CHRNA7: variants seen among roughly 807,000 people sequenced by gnomAD.
CHRNA7 encodes cholinergic receptor nicotinic alpha 7 subunit.
A neutral mutation model predicts 48.0 loss-of-function variants in CHRNA7; 17 were observed. The observed-to-expected ratio is 0.35, with a 90% CI of 0.24 to 0.53. CHRNA7 has a LOEUF of 0.53. Among genes scored for constraint, CHRNA7 ranks in the 20% least tolerant of loss-of-function variants. The pLI is 0.92. For missense variants in CHRNA7, 155 were observed against 577.7 expected, an observed-to-expected ratio of 0.27 and a Z score of 7.50; for synonymous variants, 75 against 242.3, an observed-to-expected ratio of 0.31 and a Z score of 6.41.
chr15:32,127,748 CT>C (rs367566469), intron 4 of CHRNA7, among the ~76,000 whole-genome samples: 3 of 152,096 alleles, frequency 2.0e-5, no homozygotes, highest in African/African-American at 7.2e-5. Context: ...TATAGTTTGT[CT>C]TTCTGTAGTT....
chr15:32,114,736 ACTC>A (rs1174055032), intron 4 of CHRNA7, among the ~76,000 whole-genome samples: 9 of 152,242 alleles, frequency 5.9e-5, no homozygotes, highest in African/African-American at 1.9e-4. Flanking sequence ...TACAGAACAA[ACTC>A]CTCAGAACTG....
At chr15:32,072,079 A>G (rs918541279) in intron 2 of CHRNA7, among the ~76,000 whole-genome samples, 4 of 152,212 alleles carry the variant, frequency 2.6e-5, no homozygotes, top group Non-Finnish European at 5.9e-5. Flanking sequence ...TGATGGCAAT[A>G]TGGACAGTGA....
chr15:32,048,776 G>A (rs1031022317), intron 2 of CHRNA7, among the ~76,000 whole-genome samples: 2 of 151,732 alleles, frequency 1.3e-5, no homozygotes. Flanking sequence ...TGTCAATTTT[G>A]GAGCTTTCCT....
Position 32,050,687 on chromosome 15 carries a change from G to T in CHRNA7, c.195+19650G>T, listed in dbSNP as rs1405784355. ...CATCCAGCTTTGTTCCGTTGTTGGT[G>T]AGGAACTGCCTTCCTTTGTAGGAGG... On this transcript the variant is annotated intron_variant, in intron 2 of 9. Coordinates refer to ENST00000306901, the MANE Select transcript of CHRNA7 (RefSeq NM_000746.6). 2.6e-5 allele frequency among the ~76,000 whole-genome samples: 4 copies of T among 152,196 alleles called. No homozygotes were observed. In the East Asian group the frequency reaches 7.7e-4, roughly 29 times the overall value.
rs894943238 is a variant in CHRNA7 at position 32,116,312 on chromosome 15, T to G, written c.350+4413T>G. 2.0e-5 allele frequency among the ~76,000 whole-genome samples: 3 copies of G among 152,188 alleles called. No individual in the cohort carries two copies. The South Asian group carries it at 6.2e-4, about 31-fold the overall frequency. Reference sequence around the variant, plus strand: ...TTTTTGAGATATAATGCATTTTCCATGCTTTAAAGTGGCTGGGTCACTGCA... The same window carrying G: ...TTTTTGAGATATAATGCATTTTCCAGGCTTTAAAGTGGCTGGGTCACTGCA... On this transcript the variant is annotated intron_variant, in intron 4 of 9. Coordinates refer to ENST00000306901, the MANE Select transcript of CHRNA7 (RefSeq NM_000746.6).
At chr15:32,043,768 T>TA (rs908164656) in intron 2 of CHRNA7, among the ~76,000 whole-genome samples, 1 of 151,796 alleles carries the variant, frequency 6.6e-6, no homozygotes, top group African/African-American at 2.4e-5. Context: ...ATTTACCTTT[T>TA]TTGTTACTTT....
At chr15:32,112,247 C>CA (rs2050774321) in intron 4 of CHRNA7, 1 of 472,120 alleles carries the variant, frequency 2.1e-6, no homozygotes, top group Non-Finnish European at 4.2e-6. Flanking sequence ...CAGTTATGAC[C>CA]AACAGCAGGA....
At chr15:32,122,840 T>G (rs145599200) in intron 4 of CHRNA7, among the ~76,000 whole-genome samples, 13 of 148,544 alleles carry the variant, frequency 8.8e-5, no homozygotes, top group Non-Finnish European at 1.8e-4. Flanking sequence ...CTTGCTGCGA[T>G]TTTAAAACAC....
At chr15:32,069,342 G>A (rs531367909) in intron 2 of CHRNA7, among the ~76,000 whole-genome samples, 1 of 152,280 alleles carries the variant, frequency 6.6e-6, no homozygotes, top group South Asian at 2.1e-4. Context: ...CATTTATTCA[G>A]TGCAATAGTC....
At chr15:32,041,223 A>T (rs963381077) in intron 2 of CHRNA7, among the ~76,000 whole-genome samples, 6 of 152,112 alleles carry the variant, frequency 3.9e-5, no homozygotes, top group African/African-American at 1.4e-4. Flanking sequence ...GGAAATTCTC[A>T]ATCATTGTTT....
At chr15:32,115,887 G>T (rs915561264) in intron 4 of CHRNA7, among the ~76,000 whole-genome samples, 1 of 152,086 alleles carries the variant, frequency 6.6e-6, no homozygotes, top group Non-Finnish European at 1.5e-5. Context: ...AAGAAAGAAA[G>T]CAAAGGAAAG....
intron 2 of CHRNA7, among the ~76,000 whole-genome samples, chr15:32,032,289 C>T (rs886273838): frequency 2.0e-5 from 3 of 152,168 alleles, no homozygotes; most frequent in Admixed American, 6.5e-5. Context: ...TGTTGCAGAG[C>T]AGCAAAAGTT....
chr15:32,126,369 G>A (rs1339118888), intron 4 of CHRNA7, among the ~76,000 whole-genome samples: 1 of 152,136 alleles, frequency 6.6e-6, no homozygotes, highest in Non-Finnish European at 1.5e-5. Flanking sequence ...ATTTATTTCT[G>A]ACTTTTAAGT....
intron 2 of CHRNA7, among the ~76,000 whole-genome samples, chr15:32,073,437 C>G (rs67502336): frequency 0.3 from 45,773 of 152,010 alleles, 7,326 homozygotes; most frequent in East Asian, 0.61. Flanking sequence ...TTAGATGAAA[C>G]TTTGGACTTT....
chr15:32,103,240 T>A (rs577813862), intron 3 of CHRNA7: 42 of 152,036 alleles, frequency 2.8e-4, no homozygotes, highest in African/African-American at 9.2e-4. Flanking sequence ...TGCAACCCTG[T>A]CTCTACTAAA....
At chr15:32,107,308 T>C (rs113540983) in intron 3 of CHRNA7, among the ~76,000 whole-genome samples, 6 of 152,218 alleles carry the variant, frequency 3.9e-5, no homozygotes, top group African/African-American at 1.4e-4. Flanking sequence ...GCTACCCACA[T>C]GTCTAGCAGG....
chr15:32,088,546 C>G (rs996203758), intron 2 of CHRNA7, among the ~76,000 whole-genome samples: 1 of 152,166 alleles, frequency 6.6e-6, no homozygotes, highest in African/African-American at 2.4e-5. Context: ...TGCATTCTTA[C>G]CAGCAATGAA....
chr15:32,137,725 A>G (rs2051298275), intron 4 of CHRNA7, among the ~76,000 whole-genome samples: 1 of 152,244 alleles, frequency 6.6e-6, no homozygotes, highest in Admixed American at 6.5e-5. Flanking sequence ...AACATTTAGC[A>G]TGTGTGGTGT....
At chr15:32,130,870 T>G (rs1392496944) in intron 4 of CHRNA7, among the ~76,000 whole-genome samples, 1 of 152,082 alleles carries the variant, frequency 6.6e-6, no homozygotes, top group Non-Finnish European at 1.5e-5. Flanking sequence ...TTTCTCTTAG[T>G]TTTTTCTTCA....
Sources: allele counts gnomAD v4.1 joint callset (sites outside exome capture counted in the v4.1 genomes callset), GRCh38; gene constraint gnomAD v4.1.1; transcripts MANE v1.5; gene names NCBI Gene and HGNC (gene_info 2026-07-23, HGNC 2026-07-21).